Variants in RBFOX1 observed in about 807,000 individuals in gnomAD.
The protein encoded by RBFOX1 is RNA binding fox-1 homolog 1.
In RBFOX1, 8 loss-of-function variants were observed where a neutral mutation model predicts 57.7. The observed-to-expected ratio is 0.14, with a 90% CI of 0.08 to 0.25. The LOEUF (loss-of-function observed/expected upper bound fraction) is 0.25. RBFOX1 is among the 10% of genes least tolerant of loss of function. The pLI, the probability that RBFOX1 is intolerant of heterozygous loss-of-function variation, is 1.00. For synonymous variants in RBFOX1, 326 were observed against 222.4 expected (o/e 1.47, Z -4.15); for missense variants, 611 against 548.5 (o/e 1.11, Z -1.14).
intron 2 of RBFOX1, among the ~76,000 whole-genome samples, chr16:6,646,222 G>A (rs145104471): frequency 1.3e-5 from 2 of 152,178 alleles, no homozygotes; most frequent in Non-Finnish European, 1.5e-5. Context: ...TCTAGGCAGC[G>A]TGATCCGAAC....
At chr16:6,042,219 G>A (rs2095444638) in intron 1 of RBFOX1, among the ~76,000 whole-genome samples, 1 of 151,224 alleles carries the variant, frequency 6.6e-6, no homozygotes, top group African/African-American at 2.4e-5. Context: ...TCCTGCCTCA[G>A]CCTCCCGAGT....
chr16:7,525,385 A>G (rs2078464269), intron 5 of RBFOX1, among the ~76,000 whole-genome samples: 1 of 152,106 alleles, frequency 6.6e-6, no homozygotes, highest in Admixed American at 6.6e-5. Context: ...GTTGATATTT[A>G]CCATCAGGCT....
At position 5,642,379 on chromosome 16, in the gene RBFOX1, G is replaced by C. The variant is rs529676797; in HGVS notation, c.318+43418G>C. On this transcript the variant is annotated intron_variant, in intron 3 of 19. Coordinates refer to the RBFOX1 transcript ENST00000641259. The stretch of plus-strand genomic sequence containing the variant: ...AAATCCTTAATTCCAGACCTTTCCA[G>C]GTTGATACGTCTTAAAAGAGGGAGG... Among the ~76,000 whole-genome samples the C allele has an allele frequency of 4.6e-5, 7 of 152,276 alleles. No homozygotes were observed. The East Asian group carries it at 1.4e-3, about 29-fold the overall frequency.
chr16:6,712,063 T>A lies in RBFOX1; in HGVS notation c.-16+57413T>A, dbSNP rs113505222. Among the ~76,000 whole-genome samples, 394 of 152,306 alleles carry A rather than the reference T, an allele frequency of 2.6e-3. 3 individuals are homozygous for A. Among genetic ancestry groups the A allele is most frequent in the African/African-American group, 9.0e-3 (373 of 41,578 alleles). On this transcript the variant is annotated intron_variant, in intron 3 of 15. Transcript: ENST00000550418. ...TGGTAAAGTCCATCAGGAAAGATAT[T>A]TCTGTGTGGTGTTACATTCCTCTAC...
intron 1 of RBFOX1, among the ~76,000 whole-genome samples, chr16:5,253,281 C>T (rs2062501930): frequency 6.6e-6 from 1 of 152,084 alleles, no homozygotes. Context: ...TCCTGAGTAG[C>T]CGGGACTAGA....
intron 4 of RBFOX1, among the ~76,000 whole-genome samples, chr16:7,515,360 AG>A (rs1182576529): frequency 6.6e-6 from 1 of 152,084 alleles, no homozygotes; most frequent in African/African-American, 2.4e-5. Context: ...CAGTTTTGCA[AG>A]ACAGATACAT....
downstream of RBFOX1, among the ~76,000 whole-genome samples, chr16:5,604,948 T>G (rs1247787083): frequency 6.6e-6 from 1 of 152,148 alleles, no homozygotes; most frequent in Non-Finnish European, 1.5e-5. Flanking sequence ...TGCCACCTTT[T>G]GGAATTTAGC....
At chr16:5,714,788 C>G (rs917339884) in intron 3 of RBFOX1, among the ~76,000 whole-genome samples, 2 of 152,188 alleles carry the variant, frequency 1.3e-5, no homozygotes, top group Non-Finnish European at 2.9e-5. Context: ...ATATCAGCCT[C>G]GTAAGGTAGA....
At chr16:6,637,273 T>A (rs1323645685) in intron 2 of RBFOX1, among the ~76,000 whole-genome samples, 2 of 59,094 alleles carry the variant, frequency 3.4e-5, no homozygotes, top group African/African-American at 1.9e-4. Context: ...AAATATATAT[T>A]ATATATTATA....
chr16:6,829,276 A>T (rs2092497058), intron 3 of RBFOX1, among the ~76,000 whole-genome samples: 1 of 152,086 alleles, frequency 6.6e-6, no homozygotes. Flanking sequence ...TAAAAGGAGA[A>T]ATCTGAGAAG....
intron 2 of RBFOX1, among the ~76,000 whole-genome samples, chr16:5,502,475 C>G (rs999251759): frequency 6.6e-6 from 1 of 152,124 alleles, no homozygotes; most frequent in African/African-American, 2.4e-5. Flanking sequence ...CCCTAGTGTC[C>G]CTGTTCTGGA....
chr16:7,217,199 G>A (rs934303432), intron 4 of RBFOX1, among the ~76,000 whole-genome samples: 4 of 151,176 alleles, frequency 2.6e-5, no homozygotes, highest in Non-Finnish European at 5.9e-5. Context: ...CCGCCTTCCG[G>A]ATTGAAGAGA....
At chr16:6,412,474 A>G (rs192365478) in intron 2 of RBFOX1, among the ~76,000 whole-genome samples, 43 of 152,300 alleles carry the variant, frequency 2.8e-4, no homozygotes, top group African/African-American at 9.6e-4. Flanking sequence ...ATGCCTTTCA[A>G]TGATCATCCT....
At position 6,173,604 on chromosome 16, in the gene RBFOX1, C is replaced by CTTTTTTTTTTTTT. The variant is rs35528338; in HGVS notation, c.-126-143380_-126-143368dup. ...GTATGGAGTGGACACTGACCACTCC[C>CTTTTTTTTTTTTT]TTTTTTTTTTTTTTTTTTTTTTTGA... is the stretch of plus-strand genomic sequence containing the variant. On this transcript the variant is annotated intron_variant, in intron 1 of 15. Transcript: ENST00000550418. Among the ~76,000 whole-genome samples, 62 of 70,950 alleles carry CTTTTTTTTTTTTT rather than the reference C, an allele frequency of 8.7e-4. 8 individuals carry two copies. Among genetic ancestry groups the CTTTTTTTTTTTTT allele is most frequent in the African/African-American group, 3.6e-3 (62 of 17,056 alleles). The allele number at this position is 70,950 out of a possible 152,430, so 46.5% of individuals were successfully genotyped here.
intron 3 of RBFOX1, among the ~76,000 whole-genome samples, chr16:6,786,585 T>G (rs1335655694): frequency 6.6e-6 from 1 of 152,076 alleles, no homozygotes; most frequent in East Asian, 1.9e-4. Flanking sequence ...AAATTAATAA[T>G]AAGGACAAAG....
intron 2 of RBFOX1, among the ~76,000 whole-genome samples, chr16:5,568,415 G>T (rs2046148244): frequency 6.6e-6 from 1 of 152,158 alleles, no homozygotes; most frequent in African/African-American, 2.4e-5. Flanking sequence ...TATAATCTGT[G>T]ATCCCTTCCC....
At chr16:6,667,880 C>T (rs1410800862) in intron 3 of RBFOX1, among the ~76,000 whole-genome samples, 1 of 151,826 alleles carries the variant, frequency 6.6e-6, no homozygotes, top group African/African-American at 2.4e-5. Context: ...CAGAGCAAGA[C>T]CCTATCTTTA....
chr16:6,621,842 A>T (rs1355449324), intron 2 of RBFOX1, among the ~76,000 whole-genome samples: 1 of 152,200 alleles, frequency 6.6e-6, no homozygotes, highest in Non-Finnish European at 1.5e-5. Flanking sequence ...CACAAAACCT[A>T]TTGAGAGACG....
intron 2 of RBFOX1, among the ~76,000 whole-genome samples, chr16:6,644,229 T>C (rs1426991388): frequency 6.6e-6 from 1 of 152,212 alleles, no homozygotes; most frequent in Non-Finnish European, 1.5e-5. Flanking sequence ...GTTGTTATTT[T>C]CACAACAATA....
Sources: gnomAD v4.1 joint callset for allele counts (sites outside exome capture counted in the v4.1 genomes callset) on GRCh38, gnomAD v4.1.1 for gene constraint, MANE v1.5 for transcripts, NCBI Gene and HGNC (gene_info 2026-07-23, HGNC 2026-07-21) for gene names.